SLC14A2: variants seen among roughly 807,000 people sequenced by gnomAD.
SLC14A2 encodes the protein urea transporter 2.
SLC14A2 carries 91 observed loss-of-function variants against 104.6 expected under a neutral mutation model. The observed-to-expected ratio is 0.87, with a 90% confidence interval of 0.73 to 1.04. SLC14A2 has a LOEUF of 1.04. Among genes scored for constraint, SLC14A2 ranks in the 50% least tolerant of loss-of-function variants. The pLI is 0.00. For synonymous variants in SLC14A2, 476 were observed against 466.4 expected (o/e 1.02, Z -0.27); for missense variants, 1,189 against 1,156.0 (o/e 1.03, Z -0.41).
At chr18:45,402,495 C>T (rs373163493) in intron 1 of SLC14A2, among the ~76,000 whole-genome samples, 7 of 152,146 alleles carry the variant, frequency 4.6e-5, no homozygotes, top group African/African-American at 1.7e-4. Flanking sequence ...TTTTCCTAAT[C>T]AGGTTTATTG....
intron 4 of SLC14A2, among the ~76,000 whole-genome samples, chr18:45,630,713 A>G (rs2045330029): frequency 6.6e-6 from 1 of 152,076 alleles, no homozygotes; most frequent in East Asian, 1.9e-4. Context: ...AAAAATAATG[A>G]TTTTCCCAAA....
At chr18:45,560,227 G>T (rs1196585222) in intron 2 of SLC14A2, among the ~76,000 whole-genome samples, 1 of 152,160 alleles carries the variant, frequency 6.6e-6, no homozygotes, top group East Asian at 1.9e-4. Flanking sequence ...TAAAACCTTA[G>T]CAGACCAGCC....
At chr18:45,255,861 G>A (rs1052634981) in intron 1 of SLC14A2, among the ~76,000 whole-genome samples, 3 of 152,188 alleles carry the variant, frequency 2.0e-5, no homozygotes, top group Non-Finnish European at 2.9e-5. Context: ...AGTTTTGTGG[G>A]CAGCTCCTCC....
At chr18:45,514,573 T>C (rs953965715) in intron 2 of SLC14A2, among the ~76,000 whole-genome samples, 1 of 152,148 alleles carries the variant, frequency 6.6e-6, no homozygotes, top group Non-Finnish European at 1.5e-5. Context: ...ACTCTGTGGA[T>C]CTATTAGAAA....
chr18:45,674,021 C>T (rs564617389), intron 18 of SLC14A2, among the ~76,000 whole-genome samples: 5 of 152,238 alleles, frequency 3.3e-5, no homozygotes, highest in East Asian at 3.9e-4. Flanking sequence ...ACTCTCCTGG[C>T]GGGGGTTGGA....
the SLC14A2 span, among the ~76,000 whole-genome samples, chr18:45,188,517 G>C: frequency 6.6e-6 from 1 of 152,148 alleles, no homozygotes; most frequent in Non-Finnish European, 1.5e-5. Flanking sequence ...CCTTATCTCT[G>C]TATTCCAGCT....
intron 1 of SLC14A2, among the ~76,000 whole-genome samples, chr18:45,394,054 C>G (rs527921718): frequency 5.3e-5 from 8 of 152,276 alleles, no homozygotes; most frequent in African/African-American, 1.9e-4. Flanking sequence ...TAGGGCAACT[C>G]AGGATTTTAT....
At chr18:45,535,317 A>G (rs1453302004) in intron 2 of SLC14A2, among the ~76,000 whole-genome samples, 1 of 152,180 alleles carries the variant, frequency 6.6e-6, no homozygotes, top group East Asian at 1.9e-4. Flanking sequence ...GCTGAATGTG[A>G]CAAATAGAAA....
intron 2 of SLC14A2, among the ~76,000 whole-genome samples, chr18:45,561,238 G>C (rs2144310861): frequency 6.6e-6 from 1 of 152,244 alleles, no homozygotes; most frequent in African/African-American, 2.4e-5. Flanking sequence ...GTGAATGAAG[G>C]CAACGTGCCT....
intron 1 of SLC14A2, among the ~76,000 whole-genome samples, chr18:45,424,976 C>T (rs1199354454): frequency 6.6e-6 from 1 of 152,292 alleles, no homozygotes; most frequent in Non-Finnish European, 1.5e-5. Flanking sequence ...AAGAGATTTT[C>T]CCTGAGTTTC....
At chr18:45,384,394 G>C (rs1340080545) in intron 1 of SLC14A2, among the ~76,000 whole-genome samples, 1 of 152,170 alleles carries the variant, frequency 6.6e-6, no homozygotes, top group Non-Finnish European at 1.5e-5. Context: ...AAATGAAAAG[G>C]TCAGAACTTT....
At chr18:45,541,794 C>T (rs199667240) in intron 2 of SLC14A2, among the ~76,000 whole-genome samples, 15 of 152,184 alleles carry the variant, frequency 9.9e-5, no homozygotes, top group African/African-American at 3.6e-4. Context: ...TGCATTGTCT[C>T]TTTTCGCCTA....
intron 1 of SLC14A2, among the ~76,000 whole-genome samples, chr18:45,268,013 T>C (rs143956684): frequency 2.0e-5 from 3 of 152,294 alleles, no homozygotes; most frequent in Admixed American, 6.5e-5. Flanking sequence ...ATAGCAAACA[T>C]AGTTCAATGC....
chr18:45,200,719 G>T, the SLC14A2 span, among the ~76,000 whole-genome samples: 2 of 151,974 alleles, frequency 1.3e-5, no homozygotes, highest in East Asian at 3.8e-4. Flanking sequence ...CATGCACTTA[G>T]GCTTTGCCTG....
At chr18:45,253,289 C>A (rs1399727407) in intron 1 of SLC14A2, among the ~76,000 whole-genome samples, 1 of 152,096 alleles carries the variant, frequency 6.6e-6, no homozygotes, top group Non-Finnish European at 1.5e-5. Flanking sequence ...GCATCCTGAC[C>A]ACCCAGTACT....
chr18:45,238,223 T>C (rs139316793), intron 1 of SLC14A2, among the ~76,000 whole-genome samples: 1 of 152,348 alleles, frequency 6.6e-6, no homozygotes, highest in Non-Finnish European at 1.5e-5. Context: ...TGTCCATTCA[T>C]TCTTATAACA....
intron 1 of SLC14A2, among the ~76,000 whole-genome samples, chr18:45,361,059 C>T (rs1173458034): frequency 6.6e-6 from 1 of 152,174 alleles, no homozygotes; most frequent in Non-Finnish European, 1.5e-5. Context: ...GTTCTCTTCC[C>T]CTGAAACTGG....
intron 1 of SLC14A2, among the ~76,000 whole-genome samples, chr18:45,356,020 G>C (rs534512711): frequency 6.6e-6 from 1 of 152,204 alleles, no homozygotes; most frequent in African/African-American, 2.4e-5. Flanking sequence ...GGACTGCTGA[G>C]AACATTGCAG....
chr18:45,636,051 C>T (rs981298096), intron 5 of SLC14A2, among the ~76,000 whole-genome samples: 5 of 152,066 alleles, frequency 3.3e-5, no homozygotes, highest in Admixed American at 3.3e-4. Context: ...TTGGCGGAGG[C>T]TAAAGGGAAG....
Sources: gnomAD v4.1 joint callset for allele counts (sites outside exome capture counted in the v4.1 genomes callset) on GRCh38, gnomAD v4.1.1 for gene constraint, MANE v1.5 for transcripts, NCBI Gene and HGNC (gene_info 2026-07-23, HGNC 2026-07-21) for gene names.